FAM135B: variants seen among roughly 807,000 people sequenced by gnomAD.
FAM135B encodes the protein family with sequence similarity 135 member B.
Under a neutral mutation model 127.7 loss-of-function variants are expected in FAM135B, and 43 were observed. The ratio of observed to expected loss-of-function variants is 0.34; its 90% CI spans 0.26 to 0.43. The LOEUF (loss-of-function observed/expected upper bound fraction) is 0.43, where lower values mean the gene tolerates loss of function less well. FAM135B is among the 20% of genes least tolerant of loss of function. The pLI is 1.00. For synonymous variants in FAM135B, 670 were observed against 665.1 expected (o/e 1.01, Z -0.11); for missense variants, 1,558 against 1,725.6 (o/e 0.90, Z 1.72).
intron 2 of FAM135B, among the ~76,000 whole-genome samples, chr8:138,313,298 A>AT (rs1563887070): frequency 2.0e-5 from 3 of 152,018 alleles, no homozygotes; most frequent in African/African-American, 7.2e-5. Context: ...TTCCCAGCTA[A>AT]TTTTTTTATT....
At chr8:138,196,219 A>G (rs1816614423) in intron 8 of FAM135B, among the ~76,000 whole-genome samples, 1 of 152,220 alleles carries the variant, frequency 6.6e-6, no homozygotes, top group African/African-American at 2.4e-5. Flanking sequence ...CAGGAATCCA[A>G]CTGCTACTGA....
At chr8:138,257,572 G>A (rs1367277127) in intron 4 of FAM135B, among the ~76,000 whole-genome samples, 1 of 152,054 alleles carries the variant, frequency 6.6e-6, no homozygotes, top group African/African-American at 2.4e-5. Flanking sequence ...TCTACTCAGA[G>A]GTCAACCCAG....
chr8:138,251,282 G>A (rs1369966404), intron 5 of FAM135B, among the ~76,000 whole-genome samples: 2 of 152,114 alleles, frequency 1.3e-5, no homozygotes, highest in African/African-American at 4.8e-5. Context: ...AAGTTCATGT[G>A]TCAGTGATGG....
chr8:138,336,244 A>G (rs1035238973), intron 2 of FAM135B, among the ~76,000 whole-genome samples: 1 of 152,196 alleles, frequency 6.6e-6, no homozygotes, highest in African/African-American at 2.4e-5. Context: ...GAAGGCAAGA[A>G]ATAACTAAGA....
At chr8:138,441,102 C>T (rs1428781980) in intron 1 of FAM135B, 1 of 152,102 alleles carries the variant, frequency 6.6e-6, no homozygotes, top group Non-Finnish European at 1.5e-5. Flanking sequence ...CTTGGATGAC[C>T]GAGTGGCTGC....
At chr8:138,374,480 G>T (rs1332555785) in intron 1 of FAM135B, among the ~76,000 whole-genome samples, 1 of 152,204 alleles carries the variant, frequency 6.6e-6, no homozygotes, top group Admixed American at 6.5e-5. Flanking sequence ...CTAAAAAGGA[G>T]TAATTGTCTG....
intron 2 of FAM135B, among the ~76,000 whole-genome samples, chr8:138,344,267 G>C (rs1419251710): frequency 6.6e-6 from 1 of 152,232 alleles, no homozygotes; most frequent in African/African-American, 2.4e-5. Flanking sequence ...CTGTGGGGCT[G>C]CCTGTAATTC....
intron 1 of FAM135B, among the ~76,000 whole-genome samples, chr8:138,435,731 A>C (rs1323509406): frequency 6.6e-6 from 1 of 152,216 alleles, no homozygotes; most frequent in Non-Finnish European, 1.5e-5. Flanking sequence ...ATCAAAACAC[A>C]TATTTGAAGG....
chr8:138,185,210 C>G (rs11166795), intron 9 of FAM135B, among the ~76,000 whole-genome samples: 49,226 of 152,102 alleles, frequency 0.32, 8,561 homozygotes, highest in East Asian at 0.42. Context: ...AGCATCAAAA[C>G]GAGGACCCAT....
intron 1 of FAM135B, among the ~76,000 whole-genome samples, chr8:138,396,927 C>T (rs891372115): frequency 2.0e-5 from 3 of 152,168 alleles, no homozygotes; most frequent in African/African-American, 7.2e-5. Context: ...AAATGTGGCT[C>T]ATTCCATCAC....
chr8:138,413,534 T>C (rs188364077), intron 1 of FAM135B, among the ~76,000 whole-genome samples: 2 of 152,326 alleles, frequency 1.3e-5, no homozygotes, highest in Non-Finnish European at 2.9e-5. Flanking sequence ...AAAAACATTA[T>C]AAACTTTGCT....
chr8:138,287,126 G>A (rs551048067), intron 3 of FAM135B, among the ~76,000 whole-genome samples: 221 of 152,200 alleles, frequency 1.5e-3, no homozygotes, highest in African/African-American at 5.0e-3. Context: ...TACAGACTAC[G>A]GGAAGACATT....
In FAM135B at chr8:138,348,479, C is replaced by T. The variant is rs530829338; in HGVS notation, c.77+19428G>A. Among the ~76,000 whole-genome samples the T allele has an allele frequency of 4.6e-5, 7 of 152,162 alleles. No homozygotes were observed. The South Asian group carries it at 1.0e-3, about 23-fold the overall frequency. On this transcript the variant is annotated intron_variant, in intron 2 of 19. Coordinates refer to ENST00000395297, the MANE Select transcript of FAM135B (RefSeq NM_015912.4). ...TCGGTTTGCTTTATAAAATTCAACA[C>T]GACAAAAGAAAATAAACACTTTATA...
At chr8:138,443,921 GAC>G (rs1835953471) in intron 1 of FAM135B, among the ~76,000 whole-genome samples, 1 of 152,090 alleles carries the variant, frequency 6.6e-6, no homozygotes, top group Non-Finnish European at 1.5e-5. Context: ...CATGTGCAGA[GAC>G]ACACATAGGC....
At chr8:138,423,880 C>T (rs1834678641) in intron 1 of FAM135B, among the ~76,000 whole-genome samples, 1 of 152,144 alleles carries the variant, frequency 6.6e-6, no homozygotes, top group South Asian at 2.1e-4. Context: ...GAGGCCTACC[C>T]TCAGGGGTGC....
chr8:138,202,118 T>G (rs1396809316), intron 7 of FAM135B, among the ~76,000 whole-genome samples: 1 of 12,692 alleles, frequency 7.9e-5, no homozygotes, highest in Non-Finnish European at 1.3e-4. Context: ...AGAATGAAAC[T>G]CTGTCTCAAA....
At chr8:138,222,420 G>C (rs138980731) in intron 7 of FAM135B, among the ~76,000 whole-genome samples, 2 of 152,042 alleles carry the variant, frequency 1.3e-5, no homozygotes, top group African/African-American at 4.8e-5. Flanking sequence ...CCAAAGCCCT[G>C]TCTGTCCATA....
chr8:138,303,550 A>G (rs1465253905), intron 3 of FAM135B, among the ~76,000 whole-genome samples: 3 of 152,194 alleles, frequency 2.0e-5, no homozygotes, highest in African/African-American at 4.8e-5. Flanking sequence ...ATGCATGCCT[A>G]TGTAACAAAC....
intron 9 of FAM135B, among the ~76,000 whole-genome samples, chr8:138,189,130 G>T (rs1347464235): frequency 6.6e-6 from 1 of 152,222 alleles, no homozygotes; most frequent in Non-Finnish European, 1.5e-5. Flanking sequence ...AGGAGAAGCA[G>T]CTGGATGCCT....
Sources: allele counts gnomAD v4.1 joint callset (sites outside exome capture counted in the v4.1 genomes callset), GRCh38; gene constraint gnomAD v4.1.1; transcripts MANE v1.5; gene names NCBI Gene and HGNC (gene_info 2026-07-23, HGNC 2026-07-21).